NBN: variants seen among roughly 807,000 people sequenced by gnomAD.
The protein encoded by NBN is Nijmegen breakage syndrome 1 (nibrin).
Under a neutral mutation model 90.8 loss-of-function variants are expected in NBN, and 88 were observed. The ratio of observed to expected loss-of-function variants is 0.97; its 90% CI spans 0.82 to 1.16. NBN has a LOEUF of 1.16. NBN is among the 50% of genes most tolerant of loss of function. The pLI, the probability that NBN is intolerant of heterozygous loss-of-function variation, is 0.00. For missense variants in NBN, 894 were observed against 869.6 expected, an observed-to-expected ratio of 1.03 and a Z score of -0.35; for synonymous variants, 328 against 295.1, an observed-to-expected ratio of 1.11 and a Z score of -1.14.
intron 11 of NBN, among the ~76,000 whole-genome samples, chr8:89,951,149 A>G (rs752342452): frequency 3.3e-5 from 5 of 151,978 alleles, no homozygotes; most frequent in East Asian, 1.9e-4. Flanking sequence ...CATCTCTACT[A>G]TAAGTACAAA....
chr8:89,973,964 T>G (rs1484614283), intron 5 of NBN, among the ~76,000 whole-genome samples: 2 of 152,200 alleles, frequency 1.3e-5, no homozygotes, highest in Non-Finnish European at 2.9e-5. Flanking sequence ...GAATCATACA[T>G]TCTATAAAAT....
chr8:89,969,478 C>T (rs148243875), intron 7 of NBN, among the ~76,000 whole-genome samples: 174 of 152,236 alleles, frequency 1.1e-3, no homozygotes, highest in African/African-American at 3.8e-3. Flanking sequence ...GCAACATATT[C>T]TGTAAAAAAA....
At chr8:89,981,897 T>C (rs1332873314) in intron 2 of NBN, 5 of 782,590 alleles carry the variant, frequency 6.4e-6, no homozygotes, top group African/African-American at 3.7e-5. Context: ...CAAAACCACA[T>C]TGTAAAAATT....
At chr8:89,970,810 CACT>C (rs1156397484) in intron 6 of NBN, among the ~76,000 whole-genome samples, 1 of 152,128 alleles carries the variant, frequency 6.6e-6, no homozygotes, top group African/African-American at 2.4e-5. Context: ...TGCATTTCTC[CACT>C]ACAACATAAA....
intron 5 of NBN, among the ~76,000 whole-genome samples, chr8:89,974,375 G>A (rs1262511328): frequency 6.7e-6 from 1 of 149,304 alleles, no homozygotes; most frequent in Admixed American, 6.9e-5. Flanking sequence ...TCTTACCTTC[G>A]ATTTAAATTA....
intron 5 of NBN, among the ~76,000 whole-genome samples, chr8:89,977,176 G>A (rs1811801053): frequency 6.6e-6 from 1 of 151,996 alleles, no homozygotes; most frequent in Non-Finnish European, 1.5e-5. Flanking sequence ...CAGGTTTTAA[G>A]ACCCACATGC....
In NBN at chr8:89,933,381, T is replaced by G. The variant is rs1375451546; in HGVS notation, c.*2201A>C. ...CAATGTAATCCCAACTTAAGGAGCA[T>G]CTATGCAGCTACAGTAATTCAAGGC... is the stretch of plus-strand genomic sequence containing the variant. On this transcript the variant is annotated 3_prime_UTR_variant, in exon 16 of 16. Coordinates refer to ENST00000265433, the MANE Select transcript of NBN (RefSeq NM_002485.5). The G allele has an allele frequency of 4.5e-6, 1 of 222,606 alleles. No homozygotes were observed. Among genetic ancestry groups the G allele is most frequent in the Non-Finnish European group, 9.0e-6 (1 of 111,514 alleles). The allele number at this position is 222,606 out of a possible 1,614,324, so 13.8% of individuals were successfully genotyped here. A position where few individuals can be genotyped will look rare whatever the true frequency, so the allele number is the denominator to read the frequency against.
intron 14 of NBN, among the ~76,000 whole-genome samples, chr8:89,942,801 T>A (rs1484374170): frequency 1.3e-5 from 2 of 152,186 alleles, no homozygotes. Context: ...TAAGTTGGAA[T>A]TCCAGAAGGA....
Position 89,953,598 on chromosome 8 carries a change from T to G in NBN, c.1491A>C (p.Thr497=). ...CSLLEQTQPA[T]PSLWKNKEQH... ...GCTCCTTATTTTTCCACAATGAGGGTGTAGCAGGTTGTGTTTGTTCTAAAA... is the reference window on the plus strand; with the variant it reads ...GCTCCTTATTTTTCCACAATGAGGGGGTAGCAGGTTGTGTTTGTTCTAAAA... The change falls in exon 11 of 16, where the codon ACA becomes ACC. Residue 497 remains threonine, a synonymous_variant. Transcript: ENST00000265433. The G allele has an allele frequency of 1.2e-6, 2 of 1,613,402 alleles. No homozygotes were observed. Among genetic ancestry groups the G allele is most frequent in the Non-Finnish European group, 1.7e-6 (2 of 1,179,540 alleles).
At chr8:89,939,239 A>C (rs936111907) in intron 14 of NBN, among the ~76,000 whole-genome samples, 3 of 130,512 alleles carry the variant, frequency 2.3e-5, no homozygotes, top group Non-Finnish European at 4.6e-5. Context: ...AATATAGAAA[A>C]AGAATAGCTG....
intron 5 of NBN, 137 bp downstream of exon 5, chr8:89,978,083 C>A: frequency 4.0e-6 from 3 of 752,632 alleles, no homozygotes; most frequent in Non-Finnish European, 6.5e-6. Flanking sequence ...TAACAAAAAA[C>A]CTTCCATTAA....
Position 89,934,569 on chromosome 8 carries a change from C to T in NBN, c.*1013G>A, listed in dbSNP as rs13312984. 2,484 of 233,200 alleles carry T rather than the reference C, an allele frequency of 0.011. 17 individuals carry two copies. Among genetic ancestry groups the T allele is most frequent in the South Asian group, 0.046 (252 of 5,520 alleles). The allele number at this position is 233,200 out of a possible 1,614,324, so 14.4% of individuals were successfully genotyped here. ...CAGCCTCTTGTCCCTTCTGTTGCTTCTGTTTACAAGGGAAGTCATGGAAAT... is the reference window on the plus strand; with the variant it reads ...CAGCCTCTTGTCCCTTCTGTTGCTTTTGTTTACAAGGGAAGTCATGGAAAT... On this transcript the variant is annotated 3_prime_UTR_variant, in exon 16 of 16. Coordinates refer to ENST00000265433, the MANE Select transcript of NBN (RefSeq NM_002485.5).
intron 10 of NBN, among the ~76,000 whole-genome samples, chr8:89,954,136 C>T (rs1002204374): frequency 2.6e-5 from 4 of 152,080 alleles, no homozygotes; most frequent in Admixed American, 1.3e-4. Flanking sequence ...ATCTACAATA[C>T]GGTACTGACT....
chr8:89,964,613 T>G, intron 7 of NBN, 106 bp from the exon 8 acceptor site: 2 of 1,141,062 alleles, frequency 1.8e-6, no homozygotes, highest in South Asian at 2.8e-5. Context: ...CCAAATAATT[T>G]TATGGTATAG....
chr8:89,958,594 T>C, intron 9 of NBN, 131 bp downstream of exon 9: 4 of 1,138,186 alleles, frequency 3.5e-6, no homozygotes, highest in Non-Finnish European at 5.1e-6. Context: ...TAAGATATCA[T>C]TTTCCCTGGT....
intron 7 of NBN, among the ~76,000 whole-genome samples, chr8:89,965,769 C>T (rs1234565384): frequency 2.6e-5 from 4 of 152,070 alleles, no homozygotes; most frequent in South Asian, 2.1e-4. Flanking sequence ...GGATTACAGG[C>T]GTGAACCACC....
In NBN at chr8:89,971,274, C is replaced by G. The variant is rs757186245; in HGVS notation, c.601G>C (p.Asp201His). The G allele has an allele frequency of 2.5e-6, 4 of 1,612,314 alleles. No homozygotes were observed. Among genetic ancestry groups the G allele is most frequent in the Non-Finnish European group, 3.4e-6 (4 of 1,179,020 alleles). ...PQIESFYPPLDEPSIGSKNVD... is the reference protein window; with the variant it reads ...PQIESFYPPLHEPSIGSKNVD... ...TTTTTACTTCCAATAGATGGTTCATCAAGAGGTGGGTAAAAACTGTAAAAA... is the reference window on the plus strand; with the variant it reads ...TTTTTACTTCCAATAGATGGTTCATGAAGAGGTGGGTAAAAACTGTAAAAA... The change falls in exon 6 of 16, where the codon GAT becomes CAT. Residue 201 changes from aspartate to histidine, a missense_variant. Asp to His is a moderately conservative substitution (Grantham distance 81). Transcript: ENST00000265433.
At chr8:89,969,716 C>T (rs952292530) in intron 7 of NBN, among the ~76,000 whole-genome samples, 2 of 152,140 alleles carry the variant, frequency 1.3e-5, no homozygotes, top group Admixed American at 1.3e-4. Context: ...CTTTGGGAGG[C>T]CGAGGTGGGT....
At chr8:89,958,541 A>T (rs1810837438) in intron 9 of NBN, among the ~76,000 whole-genome samples, 184 bp downstream of exon 9, 1 of 152,168 alleles carries the variant, frequency 6.6e-6, no homozygotes, top group African/African-American at 2.4e-5. Context: ...GCCGAAAATA[A>T]CTACTCGCCG....
Sources: allele counts gnomAD v4.1 joint callset (sites outside exome capture counted in the v4.1 genomes callset), GRCh38; gene constraint gnomAD v4.1.1; transcripts MANE v1.5; gene names NCBI Gene and HGNC (gene_info 2026-07-23, HGNC 2026-07-21).